MSANTD7: variants seen among roughly 807,000 people sequenced by gnomAD.
MSANTD7 encodes the protein Myb/SANT DNA binding domain containing 7.
the MSANTD7 span, chr10:14,843,295 C>G: frequency 6.6e-7 from 1 of 1,522,654 alleles, no homozygotes. Flanking sequence ...TATAATTTGT[C>G]TCAGCTCTGC....
chr10:14,846,065 T>C, the MSANTD7 span: 1 of 977,196 alleles, frequency 1.0e-6, no homozygotes, highest in Non-Finnish European at 1.2e-6. Flanking sequence ...CATTCTGTGG[T>C]ATTAATATTT....
the MSANTD7 span, chr10:14,846,455 T>G: frequency 5.1e-6 from 5 of 985,284 alleles, no homozygotes; most frequent in Non-Finnish European, 6.0e-6. Context: ...GGAAAGGTCT[T>G]GAATAAGTAC....
the MSANTD7 span, among the ~76,000 whole-genome samples, chr10:14,841,625 GT>G: frequency 1.3e-5 from 2 of 152,150 alleles, no homozygotes; most frequent in African/African-American, 4.8e-5. Flanking sequence ...TTATGCTGCT[GT>G]TTGAGGGCAC....
At chr10:14,846,765 C>T in the MSANTD7 span, 5 of 985,382 alleles carry the variant, frequency 5.1e-6, no homozygotes, top group South Asian at 1.4e-4. Flanking sequence ...GACTCTGGAG[C>T]ACATTAGTGC....
At chr10:14,842,570 T>C in the MSANTD7 span, 27 of 1,536,040 alleles carry the variant, frequency 1.8e-5, no homozygotes, top group East Asian at 7.3e-5. The surrounding 1 kb of genome is among the most constrained non-coding windows in gnomAD (Gnocchi z 5.2). Flanking sequence ...TTATGATACG[T>C]TGGATCAGCT....
At chr10:14,842,141 T>C in the MSANTD7 span, 3 of 1,534,154 alleles carry the variant, frequency 2.0e-6, no homozygotes, top group South Asian at 3.6e-5. This position sits in a 1 kb window ranked among gnomAD's most constrained non-coding sequence, Gnocchi z 5.2. Flanking sequence ...CAGCCAGAAA[T>C]GCGGTCCTTG....
At chr10:14,846,704 T>G in the MSANTD7 span, 4 of 975,560 alleles carry the variant, frequency 4.1e-6, no homozygotes, top group South Asian at 1.9e-4. Flanking sequence ...CAGATGAATG[T>G]ATGAGCACTT....
the MSANTD7 span, chr10:14,843,648 C>T: frequency 8.4e-6 from 13 of 1,549,822 alleles, no homozygotes; most frequent in Admixed American, 3.9e-5. Flanking sequence ...CCAGGACTAT[C>T]GCAGCCGAGT....
the MSANTD7 span, chr10:14,844,408 CT>C: frequency 1.0e-6 from 1 of 994,512 alleles, no homozygotes; most frequent in Non-Finnish European, 1.2e-6. Flanking sequence ...TTGCTTGAAT[CT>C]TTCCTTTGCT....
At chr10:14,843,261 G>A in the MSANTD7 span, 1 of 1,332,458 alleles carries the variant, frequency 7.5e-7, no homozygotes. Context: ...GTGGAAAGAG[G>A]CTTTCCAGGA....
At chr10:14,846,878 G>C in the MSANTD7 span, 3 of 985,368 alleles carry the variant, frequency 3.0e-6, no homozygotes, top group Non-Finnish European at 3.6e-6. Flanking sequence ...CACAACCATA[G>C]GATTAACTGC....
the MSANTD7 span, among the ~76,000 whole-genome samples, chr10:14,841,479 C>G: frequency 5.5e-3 from 843 of 152,212 alleles, 9 homozygotes; most frequent in African/African-American, 0.019. Flanking sequence ...GCTGGATTCA[C>G]CACCTCTCCC....
the MSANTD7 span, chr10:14,844,487 CG>C: frequency 0.13 from 124,928 of 986,584 alleles, 9,095 homozygotes; most frequent in East Asian, 0.27. Flanking sequence ...GCTCATTAGA[CG>C]ACTATAAGCA....
the MSANTD7 span, chr10:14,842,916 T>C: frequency 9.1e-7 from 1 of 1,099,308 alleles, no homozygotes; most frequent in Non-Finnish European, 1.3e-6. The surrounding 1 kb of genome is among the most constrained non-coding windows in gnomAD (Gnocchi z 5.2). Flanking sequence ...CTGTGTCTGT[T>C]TGGATAGTGT....
the MSANTD7 span, chr10:14,846,506 G>A: frequency 9.1e-6 from 9 of 985,206 alleles, no homozygotes; most frequent in Middle Eastern, 1.5e-3. Flanking sequence ...AGGGAAATTG[G>A]AATACAGGGA....
At chr10:14,846,948 T>C in the MSANTD7 span, 2 of 985,410 alleles carry the variant, frequency 2.0e-6, no homozygotes, top group Non-Finnish European at 2.4e-6. Context: ...CCACCTTTGT[T>C]TTTCTGTTCG....
At chr10:14,839,516 G>C in the MSANTD7 span, among the ~76,000 whole-genome samples, 1 of 149,976 alleles carries the variant, frequency 6.7e-6, no homozygotes, top group East Asian at 2.0e-4. Flanking sequence ...AGTGAGCCGA[G>C]ATCTGGCACT....
chr10:14,846,280 G>T, the MSANTD7 span: 1 of 985,394 alleles, frequency 1.0e-6, no homozygotes, highest in Non-Finnish European at 1.2e-6. Context: ...TTGACGGAGA[G>T]TTAGGCCTGT....
chr10:14,845,558 G>C, the MSANTD7 span: 5 of 981,064 alleles, frequency 5.1e-6, no homozygotes, highest in South Asian at 2.4e-4. Context: ...GTCACAGTTT[G>C]TTTCATCAGA....
Sources: allele counts gnomAD v4.1 joint callset (sites outside exome capture counted in the v4.1 genomes callset), GRCh38; gene constraint gnomAD v4.1.1; non-coding constraint Gnocchi (gnomAD v3.1); transcripts MANE v1.5; gene names NCBI Gene and HGNC (gene_info 2026-07-23, HGNC 2026-07-21).